The following MYOZ3 variants were observed in gnomAD, a reference collection of about 807,000 sequenced individuals.
The protein encoded by MYOZ3 is myozenin 3.
Under a neutral mutation model 26.5 loss-of-function variants are expected in MYOZ3, and 19 were observed. That is an observed-to-expected ratio of 0.72 (90% CI 0.50 to 1.05). The LOEUF (loss-of-function observed/expected upper bound fraction) is 1.05, where lower values mean the gene tolerates loss of function less well. Ranked by LOEUF, MYOZ3 falls within the 50% of genes least tolerant of loss-of-function variation. The pLI, the probability that MYOZ3 is intolerant of heterozygous loss-of-function variation, is 0.00. For synonymous variants in MYOZ3, 135 were observed against 138.8 expected, an observed-to-expected ratio of 0.97 and a Z score of 0.19; for missense variants, 322 against 337.1, an observed-to-expected ratio of 0.96 and a Z score of 0.35.
intron 3 of MYOZ3, 39 bp downstream of exon 3, chr5:150,670,677 ACCACAGAGAG>A (rs1758892019): frequency 1.9e-6 from 3 of 1,572,402 alleles, no homozygotes; most frequent in Non-Finnish European, 2.6e-6. Context: ...GAAAATGAGG[ACCACAGAGAG>A]CCACTGGTTA....
chr5:150,672,274 G>T, intron 5 of MYOZ3, 66 bp from the exon 6 acceptor site: 1 of 1,547,266 alleles, frequency 6.5e-7, no homozygotes. Context: ...AATGGGGGTG[G>T]GGCGAGGTGG....
intron 5 of MYOZ3, 165 bp downstream of exon 5, chr5:150,672,073 G>A: frequency 8.4e-7 from 1 of 1,186,394 alleles, no homozygotes; most frequent in Non-Finnish European, 1.2e-6. Flanking sequence ...GAGGGGCGCC[G>A]CGCCCCAGGT....
rs1315132638 is a variant in MYOZ3, at chr5:150,672,005, G to A, written c.424+97G>A. The A allele has an allele frequency of 7.0e-6, 10 of 1,426,976 alleles. No individual in the cohort carries two copies. In the Admixed American group the frequency reaches 2.1e-4, roughly 30 times the overall value. 88.4% of individuals were successfully genotyped at this position (1,426,976 alleles called of 1,614,324 possible). On this transcript the variant is annotated intron_variant, in intron 5 of 6. Transcript: ENST00000517768. ...GGAAGAGCACCCAGAAGGCTAGTCCGCCCCCTTCCCCAACACACACGCGCA... is the reference window on the plus strand; with the variant it reads ...GGAAGAGCACCCAGAAGGCTAGTCCACCCCCTTCCCCAACACACACGCGCA...
Position 150,670,559 on chromosome 5 carries a change from A to C in MYOZ3, c.137A>C (p.Asn46Thr), listed in dbSNP as rs1758888055. 6.2e-7 allele frequency: 1 copy of C among 1,613,296 alleles called. No homozygotes were observed. The highest frequency in any genetic ancestry group is 8.5e-7 in the Non-Finnish European group (1 of 1,179,724). ...ATGGAGGAGCTGTCACTACGCAACA[A>C]CAGAGGGTCCCTCCTCTTCCAGAAG... The part of the protein sequence containing the change: ...LMMEELSLRN[N>T]RGSLLFQKRQ... Residue 46 changes from asparagine to threonine, a missense_variant, in exon 3 of 7, where the codon AAC becomes ACC. Transcript: ENST00000517768.
chr5:150,670,196 T>G, intron 2 of MYOZ3: 1 of 266,558 alleles, frequency 3.8e-6, no homozygotes, highest in Non-Finnish European at 7.1e-6. Flanking sequence ...ACCTCCACCA[T>G]TATGGGCAAA....
intron 3 of MYOZ3, chr5:150,671,365 A>C: frequency 1.7e-6 from 1 of 572,350 alleles, no homozygotes; most frequent in Non-Finnish European, 3.1e-6. Context: ...AGGCTCAGGG[A>C]AATTAAGTAT....
chr5:150,662,629 CA>C (rs2151442217), intron 1 of MYOZ3, among the ~76,000 whole-genome samples: 1 of 152,314 alleles, frequency 6.6e-6, no homozygotes, highest in Non-Finnish European at 1.5e-5. Context: ...ATGCCCCTGG[CA>C]CCTACTCTCC....
chr5:150,661,725 C>G (rs756332318), intron 1 of MYOZ3, among the ~76,000 whole-genome samples: 2 of 152,242 alleles, frequency 1.3e-5, no homozygotes, highest in South Asian at 4.1e-4. Context: ...AATGAGAGAC[C>G]CTTCCCAGCA....
chr5:150,673,660 G>A (rs1361311332), intron 6 of MYOZ3, among the ~76,000 whole-genome samples: 1 of 152,132 alleles, frequency 6.6e-6, no homozygotes, highest in Non-Finnish European at 1.5e-5. Context: ...ATTATTTACA[G>A]CTGAGATGAA....
At chr5:150,668,605 T>C (rs1314329324) in intron 2 of MYOZ3, among the ~76,000 whole-genome samples, 1 of 152,242 alleles carries the variant, frequency 6.6e-6, no homozygotes, top group African/African-American at 2.4e-5. Context: ...GGAGCTGGAA[T>C]ATGAACGTAT....
At chr5:150,676,476 G>A (rs571852090) in intron 6 of MYOZ3, among the ~76,000 whole-genome samples, 8 of 150,786 alleles carry the variant, frequency 5.3e-5, no homozygotes, top group Non-Finnish European at 1.0e-4. Context: ...TCTGGGAGGC[G>A]GAGGTTGCAG....
intron 2 of MYOZ3, among the ~76,000 whole-genome samples, chr5:150,667,832 T>G (rs1306221956): frequency 6.6e-6 from 1 of 152,190 alleles, no homozygotes; most frequent in East Asian, 1.9e-4. Context: ...ATTTCAAAGC[T>G]AATACCAAAA....
At chr5:150,674,667 G>A (rs1157382077) in intron 6 of MYOZ3, among the ~76,000 whole-genome samples, 1 of 152,188 alleles carries the variant, frequency 6.6e-6, no homozygotes, top group Non-Finnish European at 1.5e-5. Context: ...ACTGGTCCCA[G>A]GCTGCTGGAA....
intron 2 of MYOZ3, among the ~76,000 whole-genome samples, chr5:150,668,717 G>T (rs1241952990): frequency 1.3e-5 from 2 of 152,188 alleles, no homozygotes; most frequent in Non-Finnish European, 2.9e-5. Context: ...CCTGCAAAAG[G>T]CTTCCTTTGT....
chr5:150,676,815 C>T lies in MYOZ3; in HGVS notation c.696C>T (p.Pro232=). 2.5e-6 allele frequency: 4 copies of T among 1,613,930 alleles called. No individual in the cohort carries two copies. The highest frequency in any genetic ancestry group is 3.4e-6 in the Non-Finnish European group (4 of 1,180,014). ...LSGLELLRLR[P]SFNRVAQGWV... ...GCTTGGAACTCCTCCGTCTCAGACC[C>T]AGCTTCAACAGAGTGGCCCAGGGCT... Residue 232 remains proline, a synonymous_variant, in exon 7 of 7, where the codon CCC becomes CCT. Coordinates refer to ENST00000517768, the MANE Select transcript of MYOZ3 (RefSeq NM_001122853.3).
At chr5:150,668,967 A>G (rs961480298) in intron 2 of MYOZ3, 2 of 152,242 alleles carry the variant, frequency 1.3e-5, no homozygotes, top group African/African-American at 4.8e-5. Flanking sequence ...AGTTTTCTCC[A>G]GATTCACACA....
At chr5:150,672,678 C>T in intron 6 of MYOZ3, 176 bp downstream of exon 6, 3 of 673,824 alleles carry the variant, frequency 4.5e-6, no homozygotes, top group Non-Finnish European at 7.3e-6. Flanking sequence ...GGTAGGTGCT[C>T]AGTTAACGTG....
intron 2 of MYOZ3, among the ~76,000 whole-genome samples, chr5:150,663,749 C>A (rs1758768769): frequency 6.6e-6 from 1 of 151,714 alleles, no homozygotes; most frequent in East Asian, 1.9e-4. Flanking sequence ...AATCCCAGCA[C>A]TTTGGGAGGC....
chr5:150,666,312 T>C (rs2151444695), intron 2 of MYOZ3, among the ~76,000 whole-genome samples: 1 of 152,034 alleles, frequency 6.6e-6, no homozygotes, highest in East Asian at 1.9e-4. Context: ...CACATACTTA[T>C]TTTTTAATAT....
Sources: gnomAD v4.1 joint callset for allele counts (sites outside exome capture counted in the v4.1 genomes callset) on GRCh38, gnomAD v4.1.1 for gene constraint, MANE v1.5 for transcripts, NCBI Gene and HGNC (gene_info 2026-07-23, HGNC 2026-07-21) for gene names.